DLG2: variants seen among roughly 807,000 people sequenced by gnomAD.
DLG2 encodes disks large homolog 2.
Under a neutral mutation model 132.5 loss-of-function variants are expected in DLG2, and 45 were observed. The observed-to-expected ratio is 0.34, with a 90% CI of 0.27 to 0.44. DLG2 has a LOEUF of 0.44. Ranked by LOEUF, DLG2 falls within the 20% of genes least tolerant of loss-of-function variation. DLG2 has a pLI of 1.00. For missense variants in DLG2, 1,045 were observed against 1,196.9 expected (o/e 0.87, Z 1.87); for synonymous variants, 424 against 419.6 (o/e 1.01, Z -0.13).
At chr11:84,760,031 G>C (rs1463162648) in intron 6 of DLG2, among the ~76,000 whole-genome samples, 1 of 152,124 alleles carries the variant, frequency 6.6e-6, no homozygotes, top group Non-Finnish European at 1.5e-5. Flanking sequence ...TCATTGGTAA[G>C]CTTTTGTCAT....
intron 7 of DLG2, among the ~76,000 whole-genome samples, chr11:84,468,742 T>A (rs1171322516): frequency 6.6e-6 from 1 of 151,700 alleles, no homozygotes; most frequent in African/African-American, 2.4e-5. Flanking sequence ...AAGTAGGTAC[T>A]AGAATATTTG....
chr11:84,305,482 A>T (rs2098205926), intron 7 of DLG2, among the ~76,000 whole-genome samples: 1 of 152,156 alleles, frequency 6.6e-6, no homozygotes, highest in Non-Finnish European at 1.5e-5. Flanking sequence ...TTAACAAGGA[A>T]AATTGCAGAT....
chr11:85,485,777 G>A (rs1411825599), intron 3 of DLG2, among the ~76,000 whole-genome samples: 3 of 152,286 alleles, frequency 2.0e-5, no homozygotes, highest in Non-Finnish European at 2.9e-5. Flanking sequence ...CCAAGATGTC[G>A]CTCCAGACGG....
chr11:83,954,406 A>G (rs2086279966), intron 14 of DLG2, among the ~76,000 whole-genome samples: 1 of 152,182 alleles, frequency 6.6e-6, no homozygotes. Context: ...ATTAATAAAG[A>G]GAAAACTCTC....
chr11:85,416,717 G>A (rs1019087919), intron 3 of DLG2, among the ~76,000 whole-genome samples: 1 of 152,170 alleles, frequency 6.6e-6, no homozygotes, highest in Admixed American at 6.5e-5. Flanking sequence ...GTGAATGGGA[G>A]TTCACTCATG....
At chr11:83,800,566 G>A (rs574376702) in intron 17 of DLG2, among the ~76,000 whole-genome samples, 2 of 152,152 alleles carry the variant, frequency 1.3e-5, no homozygotes, top group Middle Eastern at 3.4e-3. Flanking sequence ...CTGGAGCAGA[G>A]GCAAAGTGAA....
chr11:83,903,694 G>T (rs1452931479), intron 15 of DLG2, among the ~76,000 whole-genome samples: 1 of 152,074 alleles, frequency 6.6e-6, no homozygotes, highest in Admixed American at 6.6e-5. Flanking sequence ...GAGTGTAGTT[G>T]CTTTATATTT....
chr11:84,380,294 A>C (rs2098744808), intron 7 of DLG2, among the ~76,000 whole-genome samples: 1 of 151,966 alleles, frequency 6.6e-6, no homozygotes, highest in South Asian at 2.1e-4. Context: ...CCTACTAATC[A>C]GCTAGAGAAT....
chr11:84,335,454 A>G (rs999276109), intron 7 of DLG2, among the ~76,000 whole-genome samples: 2 of 152,230 alleles, frequency 1.3e-5, no homozygotes, highest in African/African-American at 4.8e-5. Context: ...ACAATATTTG[A>G]GCAAGTAGGT....
intron 4 of DLG2, among the ~76,000 whole-genome samples, chr11:85,157,224 T>C (rs2077651687): frequency 1.3e-5 from 2 of 152,176 alleles, no homozygotes; most frequent in African/African-American, 4.8e-5. Flanking sequence ...AGCTTGCAGA[T>C]GGCCATTGTG....
intron 3 of DLG2, among the ~76,000 whole-genome samples, chr11:85,590,522 G>A (rs1591086105): frequency 6.6e-6 from 1 of 152,112 alleles, no homozygotes; most frequent in South Asian, 2.1e-4. Flanking sequence ...TAGTTCCACA[G>A]TTCAGTAAAA....
At chr11:84,633,184 G>A (rs1250480837) in intron 6 of DLG2, among the ~76,000 whole-genome samples, 1 of 152,098 alleles carries the variant, frequency 6.6e-6, no homozygotes, top group East Asian at 1.9e-4. Flanking sequence ...GAAACTCTTT[G>A]GTTGCTCTTA....
At chr11:83,578,834 A>G (rs192871977) in intron 19 of DLG2, among the ~76,000 whole-genome samples, 1 of 152,362 alleles carries the variant, frequency 6.6e-6, no homozygotes, top group African/African-American at 2.4e-5. Context: ...CGTATGAAAC[A>G]TTTACCAACA....
At chr11:83,966,085 C>T (rs947916458) in intron 12 of DLG2, among the ~76,000 whole-genome samples, 4 of 152,054 alleles carry the variant, frequency 2.6e-5, no homozygotes, top group Non-Finnish European at 5.9e-5. Flanking sequence ...AATCCTTTTT[C>T]TATATTTGTG....
At chr11:85,568,569 T>C (rs2077663612) in intron 3 of DLG2, among the ~76,000 whole-genome samples, 4 of 152,152 alleles carry the variant, frequency 2.6e-5, no homozygotes, top group Admixed American at 1.3e-4. Context: ...GGTTGGAGGT[T>C]TTTTCATTAT....
At chr11:83,632,964 C>G in intron 19 of DLG2, 1 of 473,524 alleles carries the variant, frequency 2.1e-6, no homozygotes, top group Non-Finnish European at 3.8e-6. Flanking sequence ...GCAACCTATG[C>G]TGAGCATTTT....
At chr11:84,519,124 C>T (rs186459159) in intron 7 of DLG2, among the ~76,000 whole-genome samples, 149 of 152,132 alleles carry the variant, frequency 9.8e-4, no homozygotes, top group Non-Finnish European at 1.6e-3. Context: ...AATTTCAAAC[C>T]CAGCAATTCT....
intron 7 of DLG2, among the ~76,000 whole-genome samples, chr11:84,259,494 T>A (rs1048766552): frequency 6.6e-5 from 10 of 152,088 alleles, no homozygotes; most frequent in African/African-American, 2.4e-4. Flanking sequence ...ACCGCTGGAC[T>A]TACTGAGACA....
intron 3 of DLG2, among the ~76,000 whole-genome samples, chr11:85,533,804 T>A (rs2075382660): frequency 6.6e-6 from 1 of 152,208 alleles, no homozygotes. Flanking sequence ...GAGAAGGGAA[T>A]ACTAATGTAG....
Sources: gnomAD v4.1 joint callset for allele counts (sites outside exome capture counted in the v4.1 genomes callset) on GRCh38, gnomAD v4.1.1 for gene constraint, MANE v1.5 for transcripts, NCBI Gene and HGNC (gene_info 2026-07-23, HGNC 2026-07-21) for gene names.